Variants in OR52E5 observed in about 807,000 individuals in gnomAD.
OR52E5 encodes olfactory receptor 52E5.
In OR52E5 at chr11:5,901,852, G is replaced by A. The variant is rs10500656; in HGVS notation, c.*92G>A. On this transcript the variant is annotated 3_prime_UTR_variant, in exon 3 of 3. Transcript: ENST00000610445. The stretch of plus-strand genomic sequence containing the variant: ...CCAATAGCATTATATCCCCTACAAC[G>A]TCTCATGATTTCAGTACGGTCTGTT... 53,914 of 398,758 alleles carry A rather than the reference G, an allele frequency of 0.14. 3,788 individuals are homozygous for A. The highest frequency in any genetic ancestry group is 0.16 in the East Asian group (4,599 of 28,028). The allele number at this position is 398,758 out of a possible 1,614,324, so 24.7% of individuals were successfully genotyped here.
intron 2 of OR52E5, among the ~76,000 whole-genome samples, chr11:5,896,400 G>A (rs541203255): frequency 1.1e-3 from 162 of 141,686 alleles, no homozygotes; most frequent in Non-Finnish European, 1.5e-3. Flanking sequence ...CAACCTGGGC[G>A]ACAGAGTGGG....
intron 1 of OR52E5, among the ~76,000 whole-genome samples, chr11:5,894,791 T>C (rs1847151421): frequency 1.3e-5 from 2 of 152,126 alleles, no homozygotes; most frequent in African/African-American, 2.4e-5. Flanking sequence ...GAGAGAGAGT[T>C]AATATTTTTA....
chr11:5,894,731 T>C (rs1847150286), intron 1 of OR52E5, among the ~76,000 whole-genome samples: 1 of 152,206 alleles, frequency 6.6e-6, no homozygotes, highest in Non-Finnish European at 1.5e-5. Flanking sequence ...GGAGCACTAC[T>C]GAAATTTTAT....
intron 2 of OR52E5, among the ~76,000 whole-genome samples, chr11:5,899,454 T>A (rs937702735): frequency 3.9e-5 from 6 of 152,172 alleles, no homozygotes; most frequent in African/African-American, 1.4e-4. Context: ...CAAACCCAAA[T>A]ACACATACCA....
At position 5,901,851 on chromosome 11, in the gene OR52E5, C is replaced by T. The variant is rs1213173240; in HGVS notation, c.*91C>T. 1.8e-5 allele frequency: 7 copies of T among 399,082 alleles called. No individual in the cohort carries two copies. Among genetic ancestry groups the T allele is most frequent in the Non-Finnish European group, 2.7e-5 (6 of 225,712 alleles). 24.7% of individuals were successfully genotyped at this position (399,082 alleles called of 1,614,324 possible). A position where few individuals can be genotyped will look rare whatever the true frequency, so the allele number is the denominator to read the frequency against. Reference sequence around the variant, plus strand: ...GCCAATAGCATTATATCCCCTACAACGTCTCATGATTTCAGTACGGTCTGT... The same window carrying T: ...GCCAATAGCATTATATCCCCTACAATGTCTCATGATTTCAGTACGGTCTGT... On this transcript the variant is annotated 3_prime_UTR_variant, in exon 3 of 3. Transcript: ENST00000610445.
intron 2 of OR52E5, among the ~76,000 whole-genome samples, chr11:5,898,162 T>C (rs1460900614): frequency 6.6e-6 from 1 of 152,088 alleles, no homozygotes; most frequent in African/African-American, 2.4e-5. Context: ...CCTGGCCTCA[T>C]TGTGGTTTTA....
chr11:5,901,764 G>A lies in OR52E5; in HGVS notation c.*4G>A, dbSNP rs1321228732. Reference sequence around the variant, plus strand: ...CAACAATTCAGTTAGACAATAATGAGATCATAACAAAATAAACACTGGAAA... The same window carrying A: ...CAACAATTCAGTTAGACAATAATGAAATCATAACAAAATAAACACTGGAAA... On this transcript the variant is annotated 3_prime_UTR_variant, in exon 3 of 3. Transcript: ENST00000610445. 2 of 400,204 alleles carry A rather than the reference G, an allele frequency of 5.0e-6. No homozygotes were observed. Among genetic ancestry groups the A allele is most frequent in the Non-Finnish European group, 4.4e-6 (1 of 226,152 alleles). 24.8% of individuals were successfully genotyped at this position (400,204 alleles called of 1,614,324 possible). A position where few individuals can be genotyped will look rare whatever the true frequency, so the allele number is the denominator to read the frequency against.
chr11:5,900,628 C>A lies in OR52E5; in HGVS notation c.-145-4C>A, dbSNP rs549578329. On this transcript the variant is annotated splice_polypyrimidine_tract_variant and splice_region_variant and intron_variant, in intron 2 of 2. Transcript: ENST00000610445. ...TTTAACTATATTTCATATTCCCTCT[C>A]TAGGTCTCTTATGCTATATTATGGA... 3 of 396,124 alleles carry A rather than the reference C, an allele frequency of 7.6e-6. No homozygotes were observed. The East Asian group carries it at 1.1e-4, about 14-fold the overall frequency. 24.5% of individuals were successfully genotyped at this position (396,124 alleles called of 1,614,324 possible). A position where few individuals can be genotyped will look rare whatever the true frequency, so the allele number is the denominator to read the frequency against.
In OR52E5 at chr11:5,901,857, A is replaced by G. The variant is rs1488700307; in HGVS notation, c.*97A>G. On this transcript the variant is annotated 3_prime_UTR_variant, in exon 3 of 3. Transcript: ENST00000610445. ...AGCATTATATCCCCTACAACGTCTC[A>G]TGATTTCAGTACGGTCTGTTGGAAG... 4 of 399,104 alleles carry G rather than the reference A, an allele frequency of 1.0e-5. No homozygotes were observed. Among genetic ancestry groups the G allele is most frequent in the African/African-American group, 8.2e-5 (4 of 48,642 alleles). 24.7% of individuals were successfully genotyped at this position (399,104 alleles called of 1,614,324 possible). A position where few individuals can be genotyped will look rare whatever the true frequency, so the allele number is the denominator to read the frequency against.
intron 2 of OR52E5, among the ~76,000 whole-genome samples, chr11:5,896,945 G>A (rs960854945): frequency 6.6e-6 from 1 of 152,172 alleles, no homozygotes; most frequent in Admixed American, 6.5e-5. Flanking sequence ...CATAATGTCA[G>A]CTAGACGTTT....
chr11:5,900,785 T>A lies in OR52E5; in HGVS notation c.9T>A (p.His3Gln). 2.5e-6 allele frequency: 1 copy of A among 401,082 alleles called. No homozygotes were observed. Among genetic ancestry groups the A allele is most frequent in the Admixed American group, 4.4e-5 (1 of 22,726 alleles). The allele number at this position is 401,082 out of a possible 1,614,324, so 24.8% of individuals were successfully genotyped here. Residue 3 changes from histidine to glutamine, a missense_variant, in exon 3 of 3, where the codon CAT (histidine) becomes CAA (glutamine). Coordinates refer to ENST00000610445, the MANE Select transcript of OR52E5 (RefSeq NM_001005166.5). ML[H>Q]TNNTQFHPST... ...AGGGAATGGCCACCAATATGCTTCA[T>A]ACCAACAATACACAGTTTCACCCTT...
rs954032700 is a variant in OR52E5 at position 5,900,623 on chromosome 11, C to T, written c.-145-9C>T. 1.0e-5 allele frequency: 4 copies of T among 395,154 alleles called. No individual in the cohort carries two copies. Among genetic ancestry groups the T allele is most frequent in the African/African-American group, 6.2e-5 (3 of 48,452 alleles). 24.5% of individuals were successfully genotyped at this position (395,154 alleles called of 1,614,324 possible). A position where few individuals can be genotyped will look rare whatever the true frequency, so the allele number is the denominator to read the frequency against. On this transcript the variant is annotated splice_polypyrimidine_tract_variant and intron_variant, in intron 2 of 2. Transcript: ENST00000610445. ...GTCTTTTTAACTATATTTCATATTC[C>T]CTCTCTAGGTCTCTTATGCTATATT... is the stretch of plus-strand genomic sequence containing the variant.
chr11:5,899,361 T>C (rs1479413865), intron 2 of OR52E5, among the ~76,000 whole-genome samples: 1 of 152,162 alleles, frequency 6.6e-6, no homozygotes, highest in Non-Finnish European at 1.5e-5. Context: ...TATCATAAAG[T>C]ATCTTCCCTC....
In OR52E5 at chr11:5,895,916, G is replaced by A. The variant is rs150026357; in HGVS notation, c.-146+203G>A. Reference sequence around the variant, plus strand: ...ATACAAAAATTAGCCGGGCGTGGTGGTGGGCACCTGTAATCCTAGCTACTC... The same window carrying A: ...ATACAAAAATTAGCCGGGCGTGGTGATGGGCACCTGTAATCCTAGCTACTC... On this transcript the variant is annotated intron_variant, in intron 2 of 2. Transcript: ENST00000610445. 7.2e-5 allele frequency among the ~76,000 whole-genome samples: 11 copies of A among 152,176 alleles called. No homozygotes were observed. The South Asian group carries it at 1.5e-3, about 20-fold the overall frequency.
chr11:5,896,520 A>T (rs1163083103), intron 2 of OR52E5, among the ~76,000 whole-genome samples: 2 of 152,074 alleles, frequency 1.3e-5, no homozygotes, highest in Non-Finnish European at 2.9e-5. Context: ...ATATTAATAG[A>T]GATATGAAAT....
intron 2 of OR52E5, among the ~76,000 whole-genome samples, chr11:5,900,110 A>G (rs1319886617): frequency 6.6e-6 from 1 of 152,176 alleles, no homozygotes; most frequent in Non-Finnish European, 1.5e-5. Flanking sequence ...AGTGTTTTCT[A>G]TTCAGGAAAG....
In OR52E5 at chr11:5,902,370, T is replaced by A. The variant is rs925301524; in HGVS notation, c.*610T>A. 1.3e-5 allele frequency: 2 copies of A among 152,352 alleles called. No individual in the cohort carries two copies. The highest frequency in any genetic ancestry group is 4.8e-5 in the African/African-American group (2 of 41,458). The allele number at this position is 152,352 out of a possible 1,614,324, so 9.4% of individuals were successfully genotyped here. On this transcript the variant is annotated 3_prime_UTR_variant, in exon 3 of 3. Transcript: ENST00000610445. ...AAAATGAGTGCTTACTAAACATAAT[T>A]ATAGTGTAATTGTTATTTCTAATGT... is the stretch of plus-strand genomic sequence containing the variant.
rs1477525625 is a variant in OR52E5, at chr11:5,895,144, A to T, written c.-227-488A>T. Among the ~76,000 whole-genome samples, 4 of 152,204 alleles carry T rather than the reference A, an allele frequency of 2.6e-5. No individual in the cohort carries two copies. In the East Asian group the frequency reaches 7.7e-4, roughly 29 times the overall value. On this transcript the variant is annotated intron_variant, in intron 1 of 2. Transcript: ENST00000610445. Reference sequence around the variant, plus strand: ...TAATTATGAAAAGATTGCTAAGGCCATGGTGAATTAAATGGCTGTGACAAT... The same window carrying T: ...TAATTATGAAAAGATTGCTAAGGCCTTGGTGAATTAAATGGCTGTGACAAT...
At chr11:5,894,818 A>C (rs1847151801) in intron 1 of OR52E5, among the ~76,000 whole-genome samples, 2 of 152,208 alleles carry the variant, frequency 1.3e-5, no homozygotes, top group South Asian at 2.1e-4. Flanking sequence ...TCCTGCCATG[A>C]GATCTCAGTC....
Sources: allele counts gnomAD v4.1 joint callset (sites outside exome capture counted in the v4.1 genomes callset), GRCh38; gene constraint gnomAD v4.1.1; transcripts MANE v1.5; gene names NCBI Gene and HGNC (gene_info 2026-07-23, HGNC 2026-07-21).